SOWAHB: variants seen among roughly 807,000 people sequenced by gnomAD.
SOWAHB encodes the protein sosondowah ankyrin repeat domain family member B, also known as ankyrin repeat domain-containing protein SOWAHB.
SOWAHB carries 17 observed loss-of-function variants against 18.3 expected under a neutral mutation model. That is an observed-to-expected ratio of 0.93 (90% CI 0.64 to 1.40). The LOEUF is 1.40. Among genes scored for constraint, SOWAHB ranks in the 40% most tolerant of loss-of-function variants. The pLI, the probability that SOWAHB is intolerant of heterozygous loss-of-function variation, is 0.00. For synonymous variants in SOWAHB, 496 were observed against 448.1 expected (o/e 1.11, Z -1.35); for missense variants, 1,126 against 1,033.7 (o/e 1.09, Z -1.22).
In SOWAHB at chr4:76,895,801, C is replaced by G. The variant is rs371907950; in HGVS notation, c.2049G>C (p.Gln683His). 6.2e-7 allele frequency: 1 copy of G among 1,614,272 alleles called. No individual in the cohort carries two copies. The highest frequency in any genetic ancestry group is 1.3e-5 in the African/African-American group (1 of 75,066). The change falls in exon 1 of 1, where the codon CAG (glutamine) becomes CAC (histidine). Residue 683 changes from glutamine to histidine, a missense_variant. Physicochemically the swap from Gln to His is conservative, Grantham distance 24. Coordinates refer to ENST00000334306, the MANE Select transcript of SOWAHB (RefSeq NM_001029870.3). ...TTTGCACTAGCAATTTGATGACCCC[C>G]TGGTGGCCGTGAATGGCTGCAAGGT... The part of the protein sequence containing the change: ...PLHLAAIHGH[Q>H]GVIKLLVQRL...
At position 76,897,581 on chromosome 4, in the gene SOWAHB, CG is replaced by C; in HGVS notation, c.268del (p.Arg90AlafsTer157). Reference protein sequence around the residue: ...LLGEEGLQRPREPPAAAPSAG... With the variant: ...LLGEEGLQRPXEPPAAAPSAG... ...ACTGGGGGCGGCCGCGGGCGGCTCG[CG>C]GGGTCGCTGCAGCCCCTCCTCCCCC... is the stretch of plus-strand genomic sequence containing the variant. On this transcript the variant is annotated frameshift_variant, in exon 1 of 1. Coordinates refer to ENST00000334306, the MANE Select transcript of SOWAHB (RefSeq NM_001029870.3). LOFTEE classifies it low-confidence loss of function (END_TRUNC). This position sits in a 1 kb window ranked among gnomAD's most constrained non-coding sequence, Gnocchi z 6.4. 1.2e-6 allele frequency: 2 copies of C among 1,602,652 alleles called. No homozygotes were observed.
Position 76,898,126 on chromosome 4 carries a change from A to T in SOWAHB, c.-277T>A. On this transcript the variant is annotated 5_prime_UTR_variant, in exon 1 of 1. Coordinates refer to ENST00000334306, the MANE Select transcript of SOWAHB (RefSeq NM_001029870.3). ...TGCGCGACTCTAGCCTCTCGCAACG[A>T]GTCCTCACAGCGAAAGTTCCCGGGA... 1 of 426,958 alleles carries T rather than the reference A, an allele frequency of 2.3e-6. No homozygotes were observed. Among genetic ancestry groups the T allele is most frequent in the Non-Finnish European group, 4.1e-6 (1 of 242,252 alleles). 26.4% of individuals were successfully genotyped at this position (426,958 alleles called of 1,614,324 possible).
chr4:76,895,936 T>C lies in SOWAHB; in HGVS notation c.1914A>G (p.Ile638Met). Residue 638 changes from isoleucine to methionine, a missense_variant, in exon 1 of 1, where the codon ATA (isoleucine) becomes ATG (methionine). Physicochemically the swap from Ile to Met is conservative, Grantham distance 10. Coordinates refer to ENST00000334306, the MANE Select transcript of SOWAHB (RefSeq NM_001029870.3). ...FLTGYTALHW[I>M]AKHGDLRALQ... ...GGGCCCTGAGGTCACCATGTTTGGCTATCCAGTGCAACGCAGTGTACCCAG... is the reference window on the plus strand; with the variant it reads ...GGGCCCTGAGGTCACCATGTTTGGCCATCCAGTGCAACGCAGTGTACCCAG... 1 of 1,614,180 alleles carries C rather than the reference T, an allele frequency of 6.2e-7. No homozygotes were observed. Among genetic ancestry groups the C allele is most frequent in the South Asian group, 1.1e-5 (1 of 91,076 alleles).
chr4:76,897,086 A>T lies in SOWAHB; in HGVS notation c.764T>A (p.Val255Glu), dbSNP rs1242353113. The T allele has an allele frequency of 6.5e-7, 1 of 1,537,412 alleles. No homozygotes were observed. Among genetic ancestry groups the T allele is most frequent in the Non-Finnish European group, 8.7e-7 (1 of 1,147,726 alleles). ...ALAEPAPVPA[V>E]AHSPPATVEA... is the part of the protein sequence containing the mutation. ...GACGGTGGCGGGAGGCGAGTGAGCCACTGCAGGCACAGGCGCCGGCTCAGC... is the reference window on the plus strand; with the variant it reads ...GACGGTGGCGGGAGGCGAGTGAGCCTCTGCAGGCACAGGCGCCGGCTCAGC... Residue 255 changes from valine (V) to glutamate (E), a missense_variant, in exon 1 of 1, where the codon GTG (valine) becomes GAG (glutamate). Val to Glu is a moderately radical substitution (Grantham distance 121, BLOSUM62 -2). Transcript: ENST00000334306. This position sits in a 1 kb window ranked among gnomAD's most constrained non-coding sequence, Gnocchi z 6.4.
chr4:76,897,070 G>A lies in SOWAHB; in HGVS notation c.780C>T (p.Pro260=). ...APVPAVAHSP[P]ATVEAATSRA... ...TGCTTGTCGCAGCCTCGACGGTGGC[G>A]GGAGGCGAGTGAGCCACTGCAGGCA... Residue 260 remains proline (P), a synonymous_variant, in exon 1 of 1, where the codon CCC becomes CCT. Transcript: ENST00000334306. The surrounding 1 kb of genome is among the most constrained non-coding windows in gnomAD (Gnocchi z 6.4). The A allele has an allele frequency of 2.6e-6, 4 of 1,538,602 alleles. No homozygotes were observed. The highest frequency in any genetic ancestry group is 3.5e-6 in the Non-Finnish European group (4 of 1,148,288).
Position 76,897,865 on chromosome 4 carries a change from CG to C in SOWAHB, c.-17del. Reference sequence around the variant, plus strand: ...CTCGGGCCATCGCTGCCTTGTCCTCCGCCCCAGAGGTGTCTGAGTCTCGCCC... The same window carrying C: ...CTCGGGCCATCGCTGCCTTGTCCTCCCCCCAGAGGTGTCTGAGTCTCGCCC... On this transcript the variant is annotated 5_prime_UTR_variant, in exon 1 of 1. Coordinates refer to ENST00000334306, the MANE Select transcript of SOWAHB (RefSeq NM_001029870.3). The surrounding 1 kb of genome is among the most constrained non-coding windows in gnomAD (Gnocchi z 6.4). The C allele has an allele frequency of 6.3e-7, 1 of 1,587,252 alleles. No individual in the cohort carries two copies. Among genetic ancestry groups the C allele is most frequent in the African/African-American group, 1.3e-5 (1 of 74,782 alleles).
rs376388017 is a variant in SOWAHB at position 76,895,978 on chromosome 4, C to T, written c.1872G>A (p.Leu624=). ...TGTACCCAGTCAAAAAGTCTTTGTG[C>T]AAGGCCAGTTGAGGGTCCTCCCAGA... The part of the protein sequence containing the change: ...TLFWEDPQLA[L]HKDFLTGYTA... Residue 624 remains leucine (L), a synonymous_variant, in exon 1 of 1, where the codon TTG becomes TTA. Coordinates refer to ENST00000334306, the MANE Select transcript of SOWAHB (RefSeq NM_001029870.3). The T allele has an allele frequency of 8.1e-6, 13 of 1,614,070 alleles. No individual in the cohort carries two copies. The highest frequency in any genetic ancestry group is 3.3e-5 in the Admixed American group (2 of 60,026).
Position 76,897,340 on chromosome 4 carries a change from C to T in SOWAHB, c.510G>A (p.Arg170=), listed in dbSNP as rs1455444632. ...GGGSKGSPGQ[R]PPVPAAAAAG... is the part of the protein sequence containing the mutation. ...CCGCTGCAGCTGCGGGCACCGGCGG[C>T]CTCTGTCCGGGACTGCCCTTCGATC... The change falls in exon 1 of 1, where the codon AGG becomes AGA. Residue 170 remains arginine, a synonymous_variant. Coordinates refer to ENST00000334306, the MANE Select transcript of SOWAHB (RefSeq NM_001029870.3). The surrounding 1 kb of genome is among the most constrained non-coding windows in gnomAD (Gnocchi z 6.4). 2 of 1,537,738 alleles carry T rather than the reference C, an allele frequency of 1.3e-6. No homozygotes were observed. The highest frequency in any genetic ancestry group is 1.7e-6 in the Non-Finnish European group (2 of 1,148,220).
chr4:76,897,336 G>C lies in SOWAHB; in HGVS notation c.514C>G (p.Pro172Ala). ...CCTGCCGCTGCAGCTGCGGGCACCG[G>C]CGGCCTCTGTCCGGGACTGCCCTTC... ...GSKGSPGQRP[P>A]VPAAAAAGAQ... The change falls in exon 1 of 1, where the codon CCG (proline) becomes GCG (alanine). Residue 172 changes from proline to alanine, a missense_variant. Coordinates refer to ENST00000334306, the MANE Select transcript of SOWAHB (RefSeq NM_001029870.3). The surrounding 1 kb of genome is among the most constrained non-coding windows in gnomAD (Gnocchi z 6.4). 6.5e-7 allele frequency: 1 copy of C among 1,537,902 alleles called. No homozygotes were observed. Among genetic ancestry groups the C allele is most frequent in the East Asian group, 2.4e-5 (1 of 41,018 alleles).
At position 76,897,404 on chromosome 4, in the gene SOWAHB, G is replaced by T. The variant is rs755017344; in HGVS notation, c.446C>A (p.Pro149Gln). ...RAADAACNGLPGSDSRRAPGK... is the reference protein window; with the variant it reads ...RAADAACNGLQGSDSRRAPGK... The stretch of plus-strand genomic sequence containing the variant: ...GGGCGCCCTACGGGAGTCGCTGCCC[G>T]GGAGTCCATTGCAAGCTGCGTCGGC... The change falls in exon 1 of 1, where the codon CCG (proline) becomes CAG (glutamine). Residue 149 changes from proline to glutamine, a missense_variant. By Grantham distance (76) the Pro-to-Gln change is moderately conservative. Transcript: ENST00000334306. The surrounding 1 kb of genome is among the most constrained non-coding windows in gnomAD (Gnocchi z 6.4). 1.3e-6 allele frequency: 2 copies of T among 1,524,498 alleles called. No individual in the cohort carries two copies. The highest frequency in any genetic ancestry group is 2.6e-5 in the East Asian group (1 of 38,706). The allele number at this position is 1,524,498 out of a possible 1,614,324, so 94.4% of individuals were successfully genotyped here. A position where few individuals can be genotyped will look rare whatever the true frequency, so the allele number is the denominator to read the frequency against.
In SOWAHB at chr4:76,896,591, T is replaced by C. The variant is rs1282661048; in HGVS notation, c.1259A>G (p.Glu420Gly). ...SGPKDSPGAS[E>G]EGLQVVLGTP... ...TCCCAAGACAACCTGCAGCCCCTCT[T>C]CAGAAGCCCCCGGGGAGTCTTTGGG... The change falls in exon 1 of 1, where the codon GAA (glutamate) becomes GGA (glycine). Residue 420 changes from glutamate to glycine, a missense_variant. Coordinates refer to ENST00000334306, the MANE Select transcript of SOWAHB (RefSeq NM_001029870.3). 6 of 1,613,798 alleles carry C rather than the reference T, an allele frequency of 3.7e-6. No homozygotes were observed. The African/African-American group carries it at 8.0e-5, about 22-fold the overall frequency.
chr4:76,897,238 G>A lies in SOWAHB; in HGVS notation c.612C>T (p.Asn204=). The A allele has an allele frequency of 6.3e-7, 1 of 1,580,610 alleles. No individual in the cohort carries two copies. The highest frequency in any genetic ancestry group is 8.5e-7 in the Non-Finnish European group (1 of 1,171,624). Residue 204 remains asparagine, a synonymous_variant, in exon 1 of 1, where the codon AAC becomes AAT. Transcript: ENST00000334306. This position sits in a 1 kb window ranked among gnomAD's most constrained non-coding sequence, Gnocchi z 6.4. ...CGAGCTCTCCCGGCAGTACAGCCAG[G>A]TTGTTCTGGAGGCATTCCCAGCAGC... ...GRCCWECLQN[N]LAVLPGELGA... is the part of the protein sequence containing the mutation.
At position 76,897,231 on chromosome 4, in the gene SOWAHB, C is replaced by G. The variant is rs765840782; in HGVS notation, c.619G>C (p.Val207Leu). 6.3e-7 allele frequency: 1 copy of G among 1,581,664 alleles called. No homozygotes were observed. The highest frequency in any genetic ancestry group is 8.5e-7 in the Non-Finnish European group (1 of 1,172,204). The change falls in exon 1 of 1, where the codon GTA becomes CTA. Residue 207 changes from valine (V) to leucine (L), a missense_variant. By Grantham distance (32) the Val-to-Leu change is conservative (BLOSUM62 1). Transcript: ENST00000334306. This position sits in a 1 kb window ranked among gnomAD's most constrained non-coding sequence, Gnocchi z 6.4. ...CWECLQNNLA[V>L]LPGELGALPH... Reference sequence around the variant, plus strand: ...AGTGCGCCGAGCTCTCCCGGCAGTACAGCCAGGTTGTTCTGGAGGCATTCC... The same window carrying G: ...AGTGCGCCGAGCTCTCCCGGCAGTAGAGCCAGGTTGTTCTGGAGGCATTCC...
rs75057455 is a variant in SOWAHB at position 76,894,656 on chromosome 4, G to A, written c.*812C>T. ...TGTTTGTTACACAGGGAGTTTCCAT[G>A]AAAGATGGTTTCAGTCACTATGTAA... is the stretch of plus-strand genomic sequence containing the variant. On this transcript the variant is annotated 3_prime_UTR_variant, in exon 1 of 1. Transcript: ENST00000334306. Among the ~76,000 whole-genome samples, 3,257 of 152,262 alleles carry A rather than the reference G, an allele frequency of 0.021. 114 individuals carry two copies. The highest frequency in any genetic ancestry group is 0.075 in the African/African-American group (3,102 of 41,524).
Position 76,896,010 on chromosome 4 carries a change from T to C in SOWAHB, c.1840A>G (p.Thr614Ala). 1.2e-6 allele frequency: 2 copies of C among 1,613,452 alleles called. No individual in the cohort carries two copies. Among genetic ancestry groups the C allele is most frequent in the Non-Finnish European group, 8.5e-7 (1 of 1,179,882 alleles). Reference sequence around the variant, plus strand: ...AGTTGAGGGTCCTCCCAGAACAAAGTCCACACCTGAATCCAGGAGCCACTG... The same window carrying C: ...AGTTGAGGGTCCTCCCAGAACAAAGCCCACACCTGAATCCAGGAGCCACTG... ...LASGSWIQVW[T>A]LFWEDPQLAL... Residue 614 changes from threonine to alanine, a missense_variant, in exon 1 of 1, where the codon ACT (threonine) becomes GCT (alanine). Coordinates refer to ENST00000334306, the MANE Select transcript of SOWAHB (RefSeq NM_001029870.3).
Position 76,895,616 on chromosome 4 carries a change from C to T in SOWAHB, c.2234G>A (p.Arg745Lys). Residue 745 changes from arginine to lysine, a missense_variant, in exon 1 of 1, where the codon AGA becomes AAA. Coordinates refer to ENST00000334306, the MANE Select transcript of SOWAHB (RefSeq NM_001029870.3). ...AGATATTTCCTTGCTCTTGGCCTTT[C>T]TGGTAGGGGAAGAACTTCCAACTAA... The part of the protein sequence containing the change: ...YPLVGSSSPT[R>K]KAKSKEISRS... The T allele has an allele frequency of 6.2e-7, 1 of 1,614,210 alleles. No homozygotes were observed. Among genetic ancestry groups the T allele is most frequent in the Non-Finnish European group, 8.5e-7 (1 of 1,180,044 alleles).
In SOWAHB at chr4:76,897,564, C is replaced by T. The variant is rs754066073; in HGVS notation, c.286G>A (p.Ala96Thr). 1.3e-6 allele frequency: 2 copies of T among 1,584,724 alleles called. No individual in the cohort carries two copies. The highest frequency in any genetic ancestry group is 1.7e-5 in the Admixed American group (1 of 57,490). Residue 96 changes from alanine to threonine, a missense_variant, in exon 1 of 1, where the codon GCC becomes ACC. By Grantham distance (58) the Ala-to-Thr change is moderately conservative. Transcript: ENST00000334306. This position sits in a 1 kb window ranked among gnomAD's most constrained non-coding sequence, Gnocchi z 6.4. The part of the protein sequence containing the change: ...LQRPREPPAA[A>T]PSAGGAAPCS... ...GGCGCAGCTCCCCCTGCACTGGGGG[C>T]GGCCGCGGGCGGCTCGCGGGGTCGC...
At position 76,897,373 on chromosome 4, in the gene SOWAHB, C is replaced by T; in HGVS notation, c.477G>A (p.Lys159=). 1 of 1,529,318 alleles carries T rather than the reference C, an allele frequency of 6.5e-7. No individual in the cohort carries two copies. Among genetic ancestry groups the T allele is most frequent in the Non-Finnish European group, 8.7e-7 (1 of 1,144,734 alleles). 94.7% of individuals were successfully genotyped at this position (1,529,318 alleles called of 1,614,324 possible). ...CGGGACTGCCCTTCGATCCGCCGCC[C>T]TTCCCGGGCGCCCTACGGGAGTCGC... is the stretch of plus-strand genomic sequence containing the variant. ...PGSDSRRAPG[K]GGGSKGSPGQ... Residue 159 remains lysine, a synonymous_variant, in exon 1 of 1, where the codon AAG becomes AAA. Coordinates refer to ENST00000334306, the MANE Select transcript of SOWAHB (RefSeq NM_001029870.3). The surrounding 1 kb of genome is among the most constrained non-coding windows in gnomAD (Gnocchi z 6.4).
rs779186315 is a variant in SOWAHB at position 76,896,409 on chromosome 4, G to T, written c.1441C>A (p.Pro481Thr). ...ACTGGCCAAGGCAAAGGCTTCAGGG[G>T]GTGGCCTGCAAGGCCATTAGCCCCT... Reference protein sequence around the residue: ...PAGANGLAGHPLKPLPWPVPK... With the variant: ...PAGANGLAGHTLKPLPWPVPK... The change falls in exon 1 of 1, where the codon CCC becomes ACC. Residue 481 changes from proline to threonine, a missense_variant. Coordinates refer to ENST00000334306, the MANE Select transcript of SOWAHB (RefSeq NM_001029870.3). The T allele has an allele frequency of 6.2e-7, 1 of 1,601,934 alleles. No homozygotes were observed. The highest frequency in any genetic ancestry group is 8.5e-7 in the Non-Finnish European group (1 of 1,173,820).
Sources: allele counts gnomAD v4.1 joint callset (sites outside exome capture counted in the v4.1 genomes callset), GRCh38; gene constraint gnomAD v4.1.1; non-coding constraint Gnocchi (gnomAD v3.1); transcripts MANE v1.5; gene names NCBI Gene and HGNC (gene_info 2026-07-23, HGNC 2026-07-21).